The following ZPBP variants were observed in gnomAD, a reference collection of about 807,000 sequenced individuals.
The protein encoded by ZPBP is zona pellucida binding protein.
A neutral mutation model predicts 44.8 loss-of-function variants in ZPBP; 26 were observed. That is an observed-to-expected ratio of 0.58 (90% CI 0.43 to 0.81). The LOEUF is 0.81. Among genes scored for constraint, ZPBP ranks in the 30% least tolerant of loss-of-function variants. The pLI is 0.00. For missense variants in ZPBP, 409 were observed against 434.0 expected, an observed-to-expected ratio of 0.94 and a Z score of 0.51; for synonymous variants, 174 against 153.2, an observed-to-expected ratio of 1.14 and a Z score of -1.00.
At chr7:50,033,210 C>G (rs1799680220) in intron 4 of ZPBP, among the ~76,000 whole-genome samples, 1 of 151,966 alleles carries the variant, frequency 6.6e-6, no homozygotes, top group Admixed American at 6.6e-5. Flanking sequence ...GAGAAACTAA[C>G]CATAAATATT....
intron 7 of ZPBP, among the ~76,000 whole-genome samples, chr7:49,970,012 A>T (rs1264259620): frequency 2.6e-5 from 2 of 77,162 alleles, no homozygotes; most frequent in Non-Finnish European, 5.0e-5. Flanking sequence ...GGCATGCACC[A>T]CCACTCCCAG....
chr7:49,855,146 T>G (rs1790362374), intron 2 of ZPBP, among the ~76,000 whole-genome samples: 1 of 152,176 alleles, frequency 6.6e-6, no homozygotes, highest in South Asian at 2.1e-4. Flanking sequence ...CCTGCTCACA[T>G]TAGTCTTAAT....
chr7:49,965,326 T>C (rs143822293), intron 7 of ZPBP, among the ~76,000 whole-genome samples: 3,080 of 151,824 alleles, frequency 0.02, 259 homozygotes, highest in Admixed American at 0.15. Context: ...TTGGAAACAA[T>C]CAAAGTGAAA....
downstream of ZPBP, among the ~76,000 whole-genome samples, chr7:49,849,706 T>C (rs1202001421): frequency 1.3e-5 from 2 of 152,180 alleles, no homozygotes; most frequent in African/African-American, 4.8e-5. Context: ...AGGGAGATTG[T>C]GGATGTCAGC....
intron 7 of ZPBP, among the ~76,000 whole-genome samples, chr7:49,959,146 C>T (rs966682254): frequency 2.6e-5 from 4 of 151,614 alleles, no homozygotes; most frequent in Non-Finnish European, 5.9e-5. Context: ...TAATACCATA[C>T]TTAAAAGTGA....
At chr7:50,052,602 T>C (rs904721206) in intron 4 of ZPBP, among the ~76,000 whole-genome samples, 1 of 152,148 alleles carries the variant, frequency 6.6e-6, no homozygotes, top group African/African-American at 2.4e-5. Context: ...ATTTTAGGTA[T>C]TTACCCCACA....
At chr7:49,899,501 A>T (rs1792590958) in intron 2 of ZPBP, among the ~76,000 whole-genome samples, 1 of 152,050 alleles carries the variant, frequency 6.6e-6, no homozygotes. Flanking sequence ...TGTTAAGACT[A>T]ATCAAAATAA....
intron 7 of ZPBP, among the ~76,000 whole-genome samples, chr7:49,969,577 C>T (rs1796200919): frequency 6.8e-6 from 1 of 147,808 alleles, no homozygotes; most frequent in African/African-American, 2.5e-5. Flanking sequence ...GAAAGATAAA[C>T]CACACGTCAA....
chr7:50,088,305 A>C (rs955995489), intron 2 of ZPBP, among the ~76,000 whole-genome samples: 8 of 152,090 alleles, frequency 5.3e-5, no homozygotes, highest in Non-Finnish European at 1.0e-4. Context: ...TAAATGTCAG[A>C]GTTAAAACTA....
At chr7:49,928,806 G>A (rs1460543165) in intron 1 of ZPBP, among the ~76,000 whole-genome samples, 1 of 152,182 alleles carries the variant, frequency 6.6e-6, no homozygotes, top group East Asian at 1.9e-4. Flanking sequence ...CCTACCTCAT[G>A]ATGTAGCTCA....
chr7:49,946,965 T>C (rs1795127486), intron 7 of ZPBP, among the ~76,000 whole-genome samples: 1 of 152,186 alleles, frequency 6.6e-6, no homozygotes, highest in Non-Finnish European at 1.5e-5. Flanking sequence ...GCCTGATAAA[T>C]TCTGCTGTTA....
At chr7:49,981,307 T>C (rs1796869121) in intron 7 of ZPBP, among the ~76,000 whole-genome samples, 2 of 55,222 alleles carry the variant, frequency 3.6e-5, no homozygotes, top group South Asian at 5.2e-4. Flanking sequence ...TTATATATAA[T>C]TATATATTAT....
At chr7:49,899,370 T>C (rs945946583) in intron 2 of ZPBP, among the ~76,000 whole-genome samples, 7 of 152,024 alleles carry the variant, frequency 4.6e-5, no homozygotes, top group African/African-American at 1.7e-4. Context: ...TCTGGAATTT[T>C]CCATTTAATG....
intron 2 of ZPBP, among the ~76,000 whole-genome samples, chr7:49,898,618 CATATATGTAAA>C (rs1237701460): frequency 2.0e-5 from 3 of 152,034 alleles, no homozygotes; most frequent in African/African-American, 7.2e-5. Context: ...CACACATACC[CATATATGTAAA>C]ATATATGTAA....
chr7:49,968,094 A>T (rs572810332), intron 7 of ZPBP, among the ~76,000 whole-genome samples: 3 of 152,180 alleles, frequency 2.0e-5, no homozygotes, highest in African/African-American at 7.2e-5. Context: ...CTAATTTTTT[A>T]AAAAAACATA....
intron 5 of ZPBP, among the ~76,000 whole-genome samples, chr7:50,028,732 C>T (rs1196680070): frequency 6.6e-6 from 1 of 151,112 alleles, no homozygotes; most frequent in Non-Finnish European, 1.5e-5. Flanking sequence ...GAAAATTCTA[C>T]TTATAATAGC....
chr7:49,987,754 G>A (rs1283378758), intron 6 of ZPBP, among the ~76,000 whole-genome samples: 2 of 145,592 alleles, frequency 1.4e-5, no homozygotes, highest in Non-Finnish European at 3.0e-5. Flanking sequence ...GTGTGTGTGT[G>A]TGTGTGTGTG....
At chr7:49,855,378 A>G (rs1790372899) in intron 2 of ZPBP, among the ~76,000 whole-genome samples, 1 of 152,150 alleles carries the variant, frequency 6.6e-6, no homozygotes, top group African/African-American at 2.4e-5. Context: ...ATTAGGTGGT[A>G]TATTTACATG....
chr7:49,896,012 TC>T (rs1450811742), intron 2 of ZPBP, among the ~76,000 whole-genome samples: 2 of 152,158 alleles, frequency 1.3e-5, no homozygotes, highest in Admixed American at 6.5e-5. Context: ...TTATTGTGCT[TC>T]AAGTCTATAA....
Sources: allele counts gnomAD v4.1 joint callset (sites outside exome capture counted in the v4.1 genomes callset), GRCh38; gene constraint gnomAD v4.1.1; transcripts MANE v1.5; gene names NCBI Gene and HGNC (gene_info 2026-07-23, HGNC 2026-07-21).